ATP10D: variants seen among roughly 807,000 people sequenced by gnomAD.
ATP10D encodes phospholipid-transporting ATPase VD.
A neutral mutation model predicts 144.8 loss-of-function variants in ATP10D; 89 were observed. The ratio of observed to expected loss-of-function variants is 0.61; its 90% confidence interval spans 0.52 to 0.73. The LOEUF (loss-of-function observed/expected upper bound fraction) is 0.73, where lower values mean the gene tolerates loss of function less well. Ranked by LOEUF, ATP10D falls within the 30% of genes least tolerant of loss-of-function variation. The pLI, the probability that ATP10D is intolerant of heterozygous loss-of-function variation, is 0.00. For synonymous variants in ATP10D, 571 were observed against 615.1 expected, an observed-to-expected ratio of 0.93 and a Z score of 1.06; for missense variants, 1,603 against 1,714.8, an observed-to-expected ratio of 0.93 and a Z score of 1.15.
intron 1 of ATP10D, among the ~76,000 whole-genome samples, chr4:47,498,853 G>T (rs1715534412): frequency 6.6e-6 from 1 of 152,128 alleles, no homozygotes; most frequent in Non-Finnish European, 1.5e-5. Context: ...ATTCTGTTTA[G>T]AACCACAATC....
intron 5 of ATP10D, among the ~76,000 whole-genome samples, chr4:47,532,370 T>C (rs1717612999): frequency 6.6e-6 from 1 of 152,192 alleles, no homozygotes; most frequent in Non-Finnish European, 1.5e-5. Flanking sequence ...GCTCCTCTGA[T>C]ATCCGTTTGC....
rs200956632 is a variant in ATP10D at position 47,536,777 on chromosome 4, A to G, written c.1235A>G (p.Glu412Gly). The part of the protein sequence containing the change: ...FIQSDVDFYN[E>G]KMDSIVQCRA... ...CAAAGTGATGTGGATTTCTACAATGAAAAAATGGATTCTATTGTTCAGTGC... is the reference window on the plus strand; with the variant it reads ...CAAAGTGATGTGGATTTCTACAATGGAAAAATGGATTCTATTGTTCAGTGC... The change falls in exon 9 of 23, where the codon GAA (glutamate) becomes GGA (glycine). Residue 412 changes from glutamate (E) to glycine (G), a missense_variant. Transcript: ENST00000273859. The G allele has an allele frequency of 3.6e-5, 58 of 1,613,366 alleles. No homozygotes were observed. In the East Asian group the frequency reaches 1.2e-3, roughly 35 times the overall value.
intron 2 of ATP10D, 84 bp from the exon 3 acceptor site, chr4:47,515,392 C>A: frequency 1.8e-6 from 2 of 1,100,414 alleles, no homozygotes; most frequent in Non-Finnish European, 2.6e-6. Context: ...TAGAAACTTA[C>A]AGAAAAACAA....
At chr4:47,571,597 G>C (rs547533131) in intron 16 of ATP10D, among the ~76,000 whole-genome samples, 6 of 152,244 alleles carry the variant, frequency 3.9e-5, no homozygotes, top group African/African-American at 1.4e-4. Flanking sequence ...TTACCAGCAG[G>C]AATGTGGTAC....
intron 10 of ATP10D, 152 bp downstream of exon 10, chr4:47,547,014 G>C: frequency 2.9e-6 from 2 of 680,298 alleles, no homozygotes; most frequent in Non-Finnish European, 4.9e-6. Context: ...CACATAATTA[G>C]AAGTATAAAC....
chr4:47,529,205 T>C (rs555182940), intron 5 of ATP10D, among the ~76,000 whole-genome samples: 2 of 152,166 alleles, frequency 1.3e-5, no homozygotes, highest in Non-Finnish European at 2.9e-5. Flanking sequence ...TAATCATAAA[T>C]TCTTTGGTTA....
At chr4:47,503,759 TG>T (rs1425172948) in intron 1 of ATP10D, among the ~76,000 whole-genome samples, 1 of 151,744 alleles carries the variant, frequency 6.6e-6, no homozygotes, top group East Asian at 1.9e-4. Flanking sequence ...ATTAGCTAGA[TG>T]TGGTGGCTCA....
intron 1 of ATP10D, among the ~76,000 whole-genome samples, chr4:47,491,680 A>G (rs1216058231): frequency 6.6e-6 from 1 of 152,016 alleles, no homozygotes; most frequent in Non-Finnish European, 1.5e-5. Flanking sequence ...ATATTGAACT[A>G]CTCATTGTTA....
At chr4:47,532,733 TCCTC>T (rs992755310) in intron 5 of ATP10D, among the ~76,000 whole-genome samples, 1 of 152,214 alleles carries the variant, frequency 6.6e-6, no homozygotes. Flanking sequence ...AGAACTGACA[TCCTC>T]CCTATTTGTG....
At chr4:47,529,104 CTT>C (rs1717426282) in intron 5 of ATP10D, among the ~76,000 whole-genome samples, 2 of 152,004 alleles carry the variant, frequency 1.3e-5, no homozygotes, top group Admixed American at 1.3e-4. Context: ...TGTTTACTCT[CTT>C]GATTGTTTCT....
intron 3 of ATP10D, among the ~76,000 whole-genome samples, chr4:47,516,861 G>T (rs1256622760): frequency 6.6e-6 from 1 of 152,112 alleles, no homozygotes; most frequent in Non-Finnish European, 1.5e-5. Flanking sequence ...TCATTTAAAG[G>T]CATAGAGCAT....
chr4:47,546,742 T>C lies in ATP10D; in HGVS notation c.1515T>C (p.His505=). The change falls in exon 10 of 23, where the codon CAT becomes CAC. Residue 505 remains histidine (H), a synonymous_variant. Coordinates refer to ENST00000273859, the MANE Select transcript of ATP10D (RefSeq NM_020453.4). ...KPRAPSCRTV[H]NGPLGNKPSN... is the part of the protein sequence containing the mutation. Reference sequence around the variant, plus strand: ...GAGCCCCCAGCTGCAGGACAGTTCATAATGGGCCTTTGGGAAATAAGCCCT... The same window carrying C: ...GAGCCCCCAGCTGCAGGACAGTTCACAATGGGCCTTTGGGAAATAAGCCCT... 2 of 1,614,132 alleles carry C rather than the reference T, an allele frequency of 1.2e-6. No individual in the cohort carries two copies. Among genetic ancestry groups the C allele is most frequent in the Non-Finnish European group, 1.7e-6 (2 of 1,179,984 alleles).
At chr4:47,565,283 G>A (rs1202688181) in intron 15 of ATP10D, among the ~76,000 whole-genome samples, 2 of 152,108 alleles carry the variant, frequency 1.3e-5, no homozygotes. Context: ...TTTATGGTCA[G>A]ACCTCAACCA....
intron 3 of ATP10D, among the ~76,000 whole-genome samples, chr4:47,522,492 T>C (rs1241239970): frequency 6.6e-6 from 1 of 152,250 alleles, no homozygotes; most frequent in African/African-American, 2.4e-5. Context: ...TATGTTTCAG[T>C]GGCTCAGTAA....
intron 1 of ATP10D, among the ~76,000 whole-genome samples, chr4:47,509,007 A>G (rs1286479103): frequency 1.3e-5 from 2 of 152,152 alleles, no homozygotes; most frequent in African/African-American, 4.8e-5. Flanking sequence ...CTCAATATTT[A>G]TGTGGAGCTT....
Position 47,569,016 on chromosome 4 carries a change from T to C in ATP10D, c.3033T>C (p.Ser1011=). The C allele has an allele frequency of 6.2e-7, 1 of 1,614,220 alleles. No homozygotes were observed. The highest frequency in any genetic ancestry group is 2.2e-5 in the East Asian group (1 of 44,884). The part of the protein sequence containing the change: ...GKTLEFALQE[S]LQKQFLELTS... ...CCCTGGAGTTTGCCCTGCAAGAAAG[T>C]CTGCAAAAGCAGTTCCTGGAACTGA... Residue 1011 remains serine (S), a synonymous_variant, in exon 16 of 23, where the codon AGT becomes AGC. Coordinates refer to ENST00000273859, the MANE Select transcript of ATP10D (RefSeq NM_020453.4).
intron 9 of ATP10D, among the ~76,000 whole-genome samples, chr4:47,544,607 C>T (rs1718318251): frequency 6.6e-6 from 1 of 152,160 alleles, no homozygotes; most frequent in Admixed American, 6.5e-5. Flanking sequence ...TGAAATGTTT[C>T]ATTCTGAAAA....
chr4:47,574,271 G>C (rs1412176707), intron 18 of ATP10D, among the ~76,000 whole-genome samples: 1 of 152,178 alleles, frequency 6.6e-6, no homozygotes, highest in Non-Finnish European at 1.5e-5. Context: ...AGGGAGTGTT[G>C]GTTAGTAGAC....
At chr4:47,581,232 A>C (rs1720499453) in intron 20 of ATP10D, among the ~76,000 whole-genome samples, 2 of 152,352 alleles carry the variant, frequency 1.3e-5, no homozygotes, top group East Asian at 3.9e-4. Context: ...TAACAAAGCA[A>C]AAAAAGTATA....
Sources: gnomAD v4.1 joint callset for allele counts (sites outside exome capture counted in the v4.1 genomes callset) on GRCh38, gnomAD v4.1.1 for gene constraint, MANE v1.5 for transcripts, NCBI Gene and HGNC (gene_info 2026-07-23, HGNC 2026-07-21) for gene names.